CLCC1: variants seen among roughly 807,000 people sequenced by gnomAD.
CLCC1 encodes the protein chloride channel CLIC like 1.
Under a neutral mutation model 63.3 loss-of-function variants are expected in CLCC1, and 39 were observed. The ratio of observed to expected loss-of-function variants is 0.62; its 90% CI spans 0.48 to 0.81. The LOEUF (loss-of-function observed/expected upper bound fraction) is 0.81, where lower values mean the gene tolerates loss of function less well. Ranked by LOEUF, CLCC1 falls within the 30% of genes least tolerant of loss-of-function variation. The probability of loss-of-function intolerance (pLI) is 0.00; values close to 1 mark genes in which losing one functional copy is unlikely to be tolerated. For missense variants in CLCC1, 549 were observed against 669.4 expected, an observed-to-expected ratio of 0.82 and a Z score of 1.98; for synonymous variants, 217 against 239.8, an observed-to-expected ratio of 0.90 and a Z score of 0.88.
chr1:108,944,588 A>G (rs1654285547), intron 5 of CLCC1, among the ~76,000 whole-genome samples: 1 of 152,076 alleles, frequency 6.6e-6, no homozygotes, highest in African/African-American at 2.4e-5. Flanking sequence ...GATACTGTAA[A>G]TTTCACTAAA....
intron 5 of CLCC1, among the ~76,000 whole-genome samples, chr1:108,945,003 T>C (rs1654360696): frequency 6.6e-6 from 1 of 152,214 alleles, no homozygotes; most frequent in Admixed American, 6.5e-5. Context: ...CTATAATAAA[T>C]ACAGGGTTTG....
intron 5 of CLCC1, among the ~76,000 whole-genome samples, chr1:108,946,627 C>A (rs1654573803): frequency 6.6e-6 from 1 of 152,176 alleles, no homozygotes; most frequent in East Asian, 1.9e-4. Flanking sequence ...CCACTTCTGG[C>A]AGGTGGGGCT....
rs1653174355 is a variant in CLCC1, at chr1:108,937,376, GTCTCAGCACATGAACTGATTT to G, written c.1063_1083del (p.Lys355_Arg361del). ...GGTTCGCTCTCAGGACCGCCTATATGTCTCAGCACATGAACTGATTTTCCAGCACCATAGCAGAAACTCTGT... is the reference window on the plus strand; with the variant it reads ...GGTTCGCTCTCAGGACCGCCTATATGTCCAGCACCATAGCAGAAACTCTGT... On this transcript the variant is annotated inframe_deletion, in exon 11 of 13. Transcript: ENST00000369969. 8.1e-6 allele frequency: 13 copies of G among 1,613,304 alleles called. No individual in the cohort carries two copies. The highest frequency in any genetic ancestry group is 1.1e-5 in the Non-Finnish European group (13 of 1,179,720).
intron 10 of CLCC1, among the ~76,000 whole-genome samples, chr1:108,937,665 G>A (rs338485): frequency 0.021 from 3,234 of 152,226 alleles, 113 homozygotes; most frequent in African/African-American, 0.072. Flanking sequence ...CATTTCGATT[G>A]AACTATAACA....
At chr1:108,952,812 A>G (rs11102688) in intron 2 of CLCC1, among the ~76,000 whole-genome samples, 45,601 of 151,332 alleles carry the variant, frequency 0.3, 7,896 homozygotes, top group East Asian at 0.54. Flanking sequence ...AAAAAAAAAA[A>G]AAAGAAAGAA....
intron 2 of CLCC1, among the ~76,000 whole-genome samples, chr1:108,950,790 T>C (rs951443172): frequency 6.6e-6 from 1 of 152,096 alleles, no homozygotes; most frequent in Non-Finnish European, 1.5e-5. Flanking sequence ...GCTAGGATTA[T>C]AGGCATGAGC....
intron 2 of CLCC1, among the ~76,000 whole-genome samples, chr1:108,950,765 C>G (rs995477677): frequency 3.3e-5 from 5 of 151,998 alleles, no homozygotes; most frequent in Non-Finnish European, 7.4e-5. Context: ...TCCTCCCACC[C>G]TGGCCTCCCA....
chr1:108,940,019 T>C, intron 9 of CLCC1, 26 bp downstream of exon 9: 1 of 1,531,228 alleles, frequency 6.5e-7, no homozygotes, highest in Non-Finnish European at 8.9e-7. Flanking sequence ...TGACTTTAAG[T>C]AATTTTTACA....
chr1:108,960,305 C>A (rs1351860260), intron 2 of CLCC1, among the ~76,000 whole-genome samples: 1 of 152,074 alleles, frequency 6.6e-6, no homozygotes, highest in African/African-American at 2.4e-5. Context: ...CTAATCAGGG[C>A]AATAGAAGAC....
chr1:108,950,259 A>G, intron 3 of CLCC1, 50 bp downstream of exon 3: 1 of 1,568,298 alleles, frequency 6.4e-7, no homozygotes, highest in Non-Finnish European at 8.7e-7. Flanking sequence ...GACTGTTTCC[A>G]TCATGGGACT....
chr1:108,951,384 G>GA (rs1358593748), intron 2 of CLCC1, among the ~76,000 whole-genome samples: 9 of 152,010 alleles, frequency 5.9e-5, no homozygotes, highest in Non-Finnish European at 1.3e-4. Context: ...CCCCATCACA[G>GA]AAAAAACAAC....
rs1021649045 is a variant in CLCC1, at chr1:108,934,795, C to T, written c.1531G>A (p.Ala511Thr). The change falls in exon 12 of 13, where the codon GCA becomes ACA. Residue 511 changes from alanine (A) to threonine (T), a missense_variant. Transcript: ENST00000369969. ...GACTTGAGCTGGGCCTTTTCCGCTG[C>T]GGGTGAACCTTCTGTATTCCCTGAT... ...DTSGNTEGSP[A>T]AEKAQLKSEA... 32 of 1,614,024 alleles carry T rather than the reference C, an allele frequency of 2.0e-5. No individual in the cohort carries two copies. In the East Asian group the frequency reaches 2.2e-4, roughly 11 times the overall value.
chr1:108,945,681 C>A (rs191841299), intron 5 of CLCC1, among the ~76,000 whole-genome samples: 1,635 of 152,212 alleles, frequency 0.011, 23 homozygotes, highest in African/African-American at 0.037. Flanking sequence ...TTCAGATAGC[C>A]TAAAATCTGT....
intron 10 of CLCC1, among the ~76,000 whole-genome samples, chr1:108,938,560 G>A (rs1653350312): frequency 6.6e-6 from 1 of 152,078 alleles, no homozygotes; most frequent in African/African-American, 2.4e-5. Context: ...TGTTTTATGC[G>A]ACAACTGCTT....
rs562256382 is a variant in CLCC1, at chr1:108,944,248, T to C, written c.340-191A>G. ...GCTTTGACAGGCCAAGGTGGGAGGA[T>C]AGCTTGAAGCCAGGACTTCAAGACC... On this transcript the variant is annotated intron_variant, in intron 5 of 12. Coordinates refer to ENST00000369969, the MANE Select transcript of CLCC1 (RefSeq NM_001377458.1). 3.9e-5 allele frequency among the ~76,000 whole-genome samples: 6 copies of C among 152,254 alleles called. No individual in the cohort carries two copies. In the South Asian group the frequency reaches 1.0e-3, roughly 26 times the overall value.
chr1:108,952,302 C>T (rs1272025108), intron 2 of CLCC1, among the ~76,000 whole-genome samples: 1 of 152,188 alleles, frequency 6.6e-6, no homozygotes, highest in East Asian at 1.9e-4. Context: ...CCTCAGCCTC[C>T]CAAGTGGCTG....
chr1:108,939,298 ATATATG>A (rs1284162697), intron 10 of CLCC1, among the ~76,000 whole-genome samples: 1 of 146,240 alleles, frequency 6.8e-6, no homozygotes, highest in Non-Finnish European at 1.5e-5. Context: ...ATAAATATAC[ATATATG>A]TATAATTTTT....
chr1:108,961,457 C>T (rs1200943624), intron 2 of CLCC1, among the ~76,000 whole-genome samples: 1 of 152,166 alleles, frequency 6.6e-6, no homozygotes, highest in African/African-American at 2.4e-5. Context: ...CATTCTAGTA[C>T]TTGTCAGGGG....
In CLCC1 at chr1:108,934,679, G is replaced by A. The variant is rs747144509; in HGVS notation, c.1647C>T (p.Pro549=). The A allele has an allele frequency of 1.2e-6, 2 of 1,612,718 alleles. No individual in the cohort carries two copies. Among genetic ancestry groups the A allele is most frequent in the African/African-American group, 2.7e-5 (2 of 74,908 alleles). The change falls in exon 12 of 13, where the codon CCC becomes CCT. Residue 549 remains proline (P), a synonymous_variant. Coordinates refer to ENST00000369969, the MANE Select transcript of CLCC1 (RefSeq NM_001377458.1). Reference sequence around the variant, plus strand: ...TTGTGCTGGTGTTCCTCTAGCCACAGGGGCTGCTGACCGGATCCTGTCCAC... The same window carrying A: ...TTGTGCTGGTGTTCCTCTAGCCACAAGGGCTGCTGACCGGATCCTGTCCAC... ...GPRGQDPVSS[P]CG is the part of the protein sequence containing the mutation.
Sources: gnomAD v4.1 joint callset for allele counts (sites outside exome capture counted in the v4.1 genomes callset) on GRCh38, gnomAD v4.1.1 for gene constraint, MANE v1.5 for transcripts, NCBI Gene and HGNC (gene_info 2026-07-23, HGNC 2026-07-21) for gene names.